Variants in PSG8 observed in about 807,000 individuals in gnomAD.
PSG8 encodes pregnancy-specific beta-1-glycoprotein 8.
PSG8 carries 57 observed loss-of-function variants against 42.5 expected under a neutral mutation model. The observed-to-expected ratio is 1.34, with a 90% confidence interval of 1.08 to 1.67. PSG8 has a LOEUF of 1.67. PSG8 is among the 40% of genes most tolerant of loss of function. The pLI is 0.00. For missense variants in PSG8, 783 were observed against 518.6 expected (o/e 1.51, Z -4.95); for synonymous variants, 280 against 196.8 (o/e 1.42, Z -3.54).
Position 42,765,614 on chromosome 19 carries a change from A to G in PSG8, c.-33T>C, listed in dbSNP as rs759610460. On this transcript the variant is annotated 5_prime_UTR_variant, in exon 1 of 5. Transcript: ENST00000306511. ...GCTGTCTGTGTGTTCTCCTCTGTGGAGATGAGCCTAGGATCCAGAAGCTTC... is the reference window on the plus strand; with the variant it reads ...GCTGTCTGTGTGTTCTCCTCTGTGGGGATGAGCCTAGGATCCAGAAGCTTC... 5 of 1,605,288 alleles carry G rather than the reference A, an allele frequency of 3.1e-6. No homozygotes were observed. Among genetic ancestry groups the G allele is most frequent in the South Asian group, 2.2e-5 (2 of 90,896 alleles).
At chr19:42,763,543 G>A (rs1313956786) in intron 2 of PSG8, 4 of 323,222 alleles carry the variant, frequency 1.2e-5, no homozygotes, top group African/African-American at 4.3e-5. Flanking sequence ...GGCTTCTAGG[G>A]CTGAGCTTCT....
Position 42,757,997 on chromosome 19 carries a change from C to T in PSG8, c.709+5G>A. The T allele has an allele frequency of 6.2e-7, 1 of 1,613,974 alleles. No individual in the cohort carries two copies. Among genetic ancestry groups the T allele is most frequent in the Non-Finnish European group, 8.5e-7 (1 of 1,179,956 alleles). ...CTGGCTCACAGAGGAACAGAAAATA[C>T]TCACGGAGGAGATTCAGGGTGAATG... On this transcript the variant is annotated splice_donor_5th_base_variant and intron_variant, in intron 3 of 4. Transcript: ENST00000306511.
chr19:42,755,145 A>G lies in PSG8; in HGVS notation c.831T>C (p.Gly277=), dbSNP rs1466330389. Residue 277 remains glycine, a synonymous_variant, in exon 4 of 5, where the codon GGT becomes GGC. Transcript: ENST00000306511. ...CCCTGGGACTGACCGGGAGGCTCTG[A>G]CCATTTAGCCACCAAATGTAGGTGT... The part of the protein sequence containing the change: ...ENYTYIWWLN[G]QSLPVSPRVK... The G allele has an allele frequency of 2.5e-6, 4 of 1,611,744 alleles. No homozygotes were observed. The highest frequency in any genetic ancestry group is 3.4e-6 in the Non-Finnish European group (4 of 1,179,778).
chr19:42,760,128 A>T (rs975619794), intron 2 of PSG8, among the ~76,000 whole-genome samples: 19 of 152,192 alleles, frequency 1.2e-4, no homozygotes, highest in African/African-American at 4.6e-4. Flanking sequence ...ATTTTCTCTT[A>T]AGCTCAGGAA....
In PSG8 at chr19:42,765,603, C is replaced by T. The variant is rs1396373254; in HGVS notation, c.-22G>A. 6.2e-7 allele frequency: 1 copy of T among 1,608,736 alleles called. No homozygotes were observed. Among genetic ancestry groups the T allele is most frequent in the African/African-American group, 1.3e-5 (1 of 74,544 alleles). ...CCATGGTCTCTGCTGTCTGTGTGTT[C>T]TCCTCTGTGGAGATGAGCCTAGGAT... is the stretch of plus-strand genomic sequence containing the variant. On this transcript the variant is annotated 5_prime_UTR_variant, in exon 1 of 5. Transcript: ENST00000306511.
downstream of PSG8, chr19:42,753,941 C>G: frequency 1.8e-6 from 1 of 558,934 alleles, no homozygotes. Flanking sequence ...AATTACAGTT[C>G]AATAAACTGC....
rs367918383 is a variant in PSG8 at position 42,764,059 on chromosome 19, C to G, written c.287G>C (p.Ser96Thr). ...GQIIIYGPAY[S>T]GRETIYSNAS... is the part of the protein sequence containing the mutation. ...ATTGGAATATATTGTTTCTCGTCCA[C>G]TGTATGCAGGCCCATATATAATTAT... The change falls in exon 2 of 5, where the codon AGT (serine) becomes ACT (threonine). Residue 96 changes from serine to threonine, a missense_variant. Ser to Thr is a moderately conservative substitution (Grantham distance 58). Transcript: ENST00000306511. The G allele has an allele frequency of 6.2e-5, 100 of 1,613,810 alleles. No individual in the cohort carries two copies. The African/African-American group carries it at 1.3e-3, about 20-fold the overall frequency.
At chr19:42,754,795 C>G (rs576249698) in intron 4 of PSG8, 193 bp downstream of exon 4, 1 of 1,434,538 alleles carries the variant, frequency 7.0e-7, no homozygotes, top group Admixed American at 2.6e-5. Context: ...ATGACAAGAG[C>G]GTCCACTCCC....
chr19:42,762,338 G>T (rs1970097729), intron 2 of PSG8, among the ~76,000 whole-genome samples: 1 of 151,984 alleles, frequency 6.6e-6, no homozygotes, highest in Admixed American at 6.6e-5. Context: ...GGACCAAAGA[G>T]CCCTGAGAAC....
At chr19:42,762,987 T>A (rs1454185968) in intron 2 of PSG8, among the ~76,000 whole-genome samples, 3 of 152,096 alleles carry the variant, frequency 2.0e-5, no homozygotes, top group Non-Finnish European at 4.4e-5. Context: ...AGGGACTGTG[T>A]CTTCCTGTAC....
chr19:42,758,210 T>G lies in PSG8; in HGVS notation c.501A>C (p.Leu167Phe), dbSNP rs750421440. 3.1e-6 allele frequency: 5 copies of G among 1,614,040 alleles called. No homozygotes were observed. The highest frequency in any genetic ancestry group is 3.3e-5 in the Admixed American group (2 of 59,992). ...CGTCCGGAGTCTCAGGATCACAGGT[T>G]AAGCTCACAGCCTCCATGGCCTCCC... The part of the protein sequence containing the change: ...NPREAMEAVS[L>F]TCDPETPDAS... Residue 167 changes from leucine (L) to phenylalanine (F), a missense_variant, in exon 3 of 5, where the codon TTA becomes TTC. Transcript: ENST00000306511.
chr19:42,754,927 G>A, intron 4 of PSG8, 61 bp downstream of exon 4: 4 of 1,574,160 alleles, frequency 2.5e-6, no homozygotes, highest in Admixed American at 1.8e-5. Flanking sequence ...GAGAGGCCTG[G>A]CCTCTGGTCG....
intron 3 of PSG8, among the ~76,000 whole-genome samples, 194 bp downstream of exon 3, chr19:42,757,808 G>A (rs1193098538): frequency 5.3e-5 from 8 of 152,100 alleles, no homozygotes; most frequent in South Asian, 2.1e-4. Context: ...CATGACAGGA[G>A]CAGCCTCTTT....
At chr19:42,758,492 C>G (rs746566230) in intron 2 of PSG8, 1 of 1,107,558 alleles carries the variant, frequency 9.0e-7, no homozygotes, top group African/African-American at 1.6e-5. Flanking sequence ...CAGACTTTCT[C>G]AAGTGTGAAT....
chr19:42,755,004 G>T lies in PSG8; in HGVS notation c.972C>A (p.Val324=), dbSNP rs765207960. 6.2e-6 allele frequency: 10 copies of T among 1,613,488 alleles called. No individual in the cohort carries two copies. Among genetic ancestry groups the T allele is most frequent in the Non-Finnish European group, 8.5e-6 (10 of 1,179,802 alleles). ...GATACTCACAGAGGACATTCAGGGT[G>T]ACTGGGTAACTGCGGATGCCACCAT... ...DQYGGIRSYP[V]TLNVLYGPDL... The change falls in exon 4 of 5, where the codon GTC becomes GTA. Residue 324 remains valine, a synonymous_variant. Transcript: ENST00000306511.
At chr19:42,764,893 C>T (rs918909863) in intron 1 of PSG8, among the ~76,000 whole-genome samples, 1 of 151,968 alleles carries the variant, frequency 6.6e-6, no homozygotes, top group Non-Finnish European at 1.5e-5. Flanking sequence ...TTTTTCCCCC[C>T]AATTGTTGAG....
Position 42,764,064 on chromosome 19 carries a change from T to C in PSG8, c.282A>G (p.Ala94=), listed in dbSNP as rs7256456. 2 of 1,613,742 alleles carry C rather than the reference T, an allele frequency of 1.2e-6. No homozygotes were observed. Among genetic ancestry groups the C allele is most frequent in the East Asian group, 4.5e-5 (2 of 44,866 alleles). The change falls in exon 2 of 5, where the codon GCA becomes GCG. Residue 94 remains alanine (A), a synonymous_variant. Coordinates refer to ENST00000306511, the MANE Select transcript of PSG8 (RefSeq NM_182707.3). Reference sequence around the variant, plus strand: ...AATATATTGTTTCTCGTCCACTGTATGCAGGCCCATATATAATTATTTGAC... The same window carrying C: ...AATATATTGTTTCTCGTCCACTGTACGCAGGCCCATATATAATTATTTGAC... ...VDGQIIIYGP[A]YSGRETIYSN...
chr19:42,763,170 C>T (rs949542298), intron 2 of PSG8, among the ~76,000 whole-genome samples: 15 of 152,186 alleles, frequency 9.9e-5, no homozygotes, highest in East Asian at 3.8e-4. Context: ...AGCCCCTTTG[C>T]GTCAGATCCC....
chr19:42,764,278 G>A lies in PSG8; in HGVS notation c.68C>T (p.Ser23Leu), dbSNP rs185009634. Reference protein sequence around the residue: ...ITWKGLLLTASLLNFWNPPTT... With the variant: ...ITWKGLLLTALLLNFWNPPTT... ...GGGTGGGTTCCAGAAGTTTAAAAGTGATGCTAGGAGGTGGAGAGAGCATCA... is the reference window on the plus strand; with the variant it reads ...GGGTGGGTTCCAGAAGTTTAAAAGTAATGCTAGGAGGTGGAGAGAGCATCA... The change falls in exon 2 of 5, where the codon TCA becomes TTA. Residue 23 changes from serine (S) to leucine (L), a missense_variant. By Grantham distance (145) the Ser-to-Leu change is moderately radical (BLOSUM62 -2). Coordinates refer to ENST00000306511, the MANE Select transcript of PSG8 (RefSeq NM_182707.3). The A allele has an allele frequency of 1.4e-5, 23 of 1,612,344 alleles. No homozygotes were observed. In the East Asian group the frequency reaches 2.2e-4, roughly 16 times the overall value.
Sources: allele counts gnomAD v4.1 joint callset (sites outside exome capture counted in the v4.1 genomes callset), GRCh38; gene constraint gnomAD v4.1.1; transcripts MANE v1.5; gene names NCBI Gene and HGNC (gene_info 2026-07-23, HGNC 2026-07-21).